RPS6KC1: variants seen among roughly 807,000 people sequenced by gnomAD.
RPS6KC1 encodes inactive ribosomal protein S6 kinase delta-1.
Under a neutral mutation model 103.8 loss-of-function variants are expected in RPS6KC1, and 54 were observed. The ratio of observed to expected loss-of-function variants is 0.52; its 90% CI spans 0.42 to 0.65. The LOEUF is 0.65. RPS6KC1 is among the 30% of genes least tolerant of loss of function. The pLI is 0.00. For synonymous variants in RPS6KC1, 439 were observed against 438.7 expected (o/e 1.00, Z -0.01); for missense variants, 1,151 against 1,253.8 (o/e 0.92, Z 1.24).
At chr1:213,777,683 A>C in the RPS6KC1 span, among the ~76,000 whole-genome samples, 1 of 152,236 alleles carries the variant, frequency 6.6e-6, no homozygotes, top group Non-Finnish European at 1.5e-5. Flanking sequence ...TCAGTAAAGC[A>C]AGGTGCAATA....
the RPS6KC1 span, among the ~76,000 whole-genome samples, chr1:213,577,989 G>A: frequency 6.6e-6 from 1 of 152,208 alleles, no homozygotes; most frequent in Admixed American, 6.5e-5. Context: ...CATGTCAGAG[G>A]CCTTCACAGC....
At chr1:213,167,696 A>G (rs1226028386) in intron 6 of RPS6KC1, among the ~76,000 whole-genome samples, 162 bp from the exon 7 acceptor site, 1 of 152,224 alleles carries the variant, frequency 6.6e-6, no homozygotes, top group Non-Finnish European at 1.5e-5. Context: ...GGTAATAGTT[A>G]GACTTGGTTG....
the RPS6KC1 span, among the ~76,000 whole-genome samples, chr1:213,390,982 G>A: frequency 1.3e-5 from 2 of 152,098 alleles, no homozygotes; most frequent in African/African-American, 4.8e-5. Flanking sequence ...TTGGGTATAT[G>A]TGATACCGAT....
At chr1:213,512,908 T>C in the RPS6KC1 span, among the ~76,000 whole-genome samples, 1 of 152,220 alleles carries the variant, frequency 6.6e-6, no homozygotes, top group Non-Finnish European at 1.5e-5. Context: ...CTGTGTCAAC[T>C]GGAAAAAGTC....
the RPS6KC1 span, among the ~76,000 whole-genome samples, chr1:213,796,054 T>C: frequency 6.6e-6 from 1 of 152,202 alleles, no homozygotes; most frequent in Non-Finnish European, 1.5e-5. Context: ...CATTACGGCC[T>C]GTAGTAAAAG....
the RPS6KC1 span, among the ~76,000 whole-genome samples, chr1:213,545,802 A>C: frequency 1.3e-5 from 2 of 152,054 alleles, no homozygotes; most frequent in Non-Finnish European, 2.9e-5. Context: ...TATAATCAAC[A>C]CAGCTTCCCC....
the RPS6KC1 span, among the ~76,000 whole-genome samples, chr1:213,580,078 C>T: frequency 1.5e-4 from 23 of 151,980 alleles, 1 homozygote; most frequent in Non-Finnish European, 2.8e-4. Flanking sequence ...CCATGGGTAG[C>T]GATTCCTCTG....
the RPS6KC1 span, among the ~76,000 whole-genome samples, chr1:213,361,719 C>A: frequency 6.6e-6 from 1 of 152,242 alleles, no homozygotes; most frequent in Admixed American, 6.5e-5. Context: ...CACTCGGCCA[C>A]ATACCTAAAG....
chr1:213,145,975 T>TTTG (rs1379945183), intron 6 of RPS6KC1, among the ~76,000 whole-genome samples: 1 of 142,436 alleles, frequency 7.0e-6, no homozygotes, highest in African/African-American at 2.6e-5. Context: ...CTGTTTTTTT[T>TTTG]TTTTTTTTTT....
chr1:213,417,307 TTC>T, the RPS6KC1 span, among the ~76,000 whole-genome samples: 1 of 152,260 alleles, frequency 6.6e-6, no homozygotes, highest in East Asian at 1.9e-4. Flanking sequence ...ACTAGATTGG[TTC>T]TCTCTCACAG....
At chr1:213,112,701 C>T (rs1181683282) in intron 4 of RPS6KC1, among the ~76,000 whole-genome samples, 1 of 151,950 alleles carries the variant, frequency 6.6e-6, no homozygotes, top group Non-Finnish European at 1.5e-5. Flanking sequence ...TCTCCCAATG[C>T]TATCCCTCCC....
the RPS6KC1 span, among the ~76,000 whole-genome samples, chr1:213,743,959 C>T: frequency 1.4e-4 from 21 of 152,222 alleles, no homozygotes; most frequent in South Asian, 6.2e-4. Flanking sequence ...TAAAAGGGAA[C>T]AAAATAATGG....
the RPS6KC1 span, among the ~76,000 whole-genome samples, chr1:213,793,503 A>C: frequency 6.6e-6 from 1 of 152,192 alleles, no homozygotes; most frequent in South Asian, 2.1e-4. Flanking sequence ...CCCTTAAAAC[A>C]GGGCGTGAGT....
the RPS6KC1 span, among the ~76,000 whole-genome samples, chr1:213,339,757 G>A: frequency 6.6e-6 from 1 of 152,248 alleles, no homozygotes; most frequent in Admixed American, 6.5e-5. Context: ...GGAAGAGGAT[G>A]TAGGATTCAG....
chr1:213,269,047 GT>G (rs1292805691), intron 14 of RPS6KC1, among the ~76,000 whole-genome samples: 5 of 152,166 alleles, frequency 3.3e-5, no homozygotes, highest in African/African-American at 1.2e-4. Flanking sequence ...GGCAGATTCT[GT>G]TAAGCTGGAT....
the RPS6KC1 span, among the ~76,000 whole-genome samples, chr1:213,516,472 C>T: frequency 4.6e-5 from 7 of 152,280 alleles, no homozygotes; most frequent in Middle Eastern, 3.4e-3. Context: ...GCCTTTTCTG[C>T]ATCTATTGGG....
chr1:213,299,221 A>G, the RPS6KC1 span, among the ~76,000 whole-genome samples: 1 of 152,152 alleles, frequency 6.6e-6, no homozygotes, highest in African/African-American at 2.4e-5. Flanking sequence ...CATAACTGCC[A>G]TTTCCCTTTT....
chr1:213,587,656 T>G, the RPS6KC1 span, among the ~76,000 whole-genome samples: 1 of 152,366 alleles, frequency 6.6e-6, no homozygotes, highest in East Asian at 1.9e-4. Flanking sequence ...AACTTCCTAA[T>G]TTTTGAGATA....
the RPS6KC1 span, among the ~76,000 whole-genome samples, chr1:213,316,165 T>C: frequency 6.6e-6 from 1 of 152,184 alleles, no homozygotes; most frequent in Admixed American, 6.5e-5. Flanking sequence ...CAGGATCTGA[T>C]GGTTTTATAA....
Sources: allele counts gnomAD v4.1 joint callset (sites outside exome capture counted in the v4.1 genomes callset), GRCh38; gene constraint gnomAD v4.1.1; transcripts MANE v1.5; gene names NCBI Gene and HGNC (gene_info 2026-07-23, HGNC 2026-07-21).